DOCK1: variants seen among roughly 807,000 people sequenced by gnomAD.
The protein encoded by DOCK1 is dedicator of cytokinesis protein 1.
A neutral mutation model predicts 262.7 loss-of-function variants in DOCK1; 138 were observed. The observed-to-expected ratio is 0.53, with a 90% CI of 0.46 to 0.61. DOCK1 has a LOEUF of 0.61. Among genes scored for constraint, DOCK1 ranks in the 20% least tolerant of loss-of-function variants. The pLI is 0.00. For synonymous variants in DOCK1, 866 were observed against 867.4 expected (o/e 1.00, Z 0.03); for missense variants, 1,908 against 2,370.7 (o/e 0.80, Z 4.05).
intron 1 of DOCK1, among the ~76,000 whole-genome samples, chr10:126,964,878 C>T (rs1180316327): frequency 1.3e-5 from 2 of 152,218 alleles, no homozygotes; most frequent in Admixed American, 1.3e-4. Context: ...TATCTTTTTG[C>T]AGAGGGCAAG....
At chr10:127,142,941 A>G (rs538857904) in intron 27 of DOCK1, among the ~76,000 whole-genome samples, 4 of 152,292 alleles carry the variant, frequency 2.6e-5, no homozygotes, top group African/African-American at 9.6e-5. Flanking sequence ...AATCTGCCCT[A>G]CATCTCAGGC....
intron 1 of DOCK1, among the ~76,000 whole-genome samples, chr10:126,932,716 C>G (rs1564990400): frequency 6.6e-6 from 1 of 152,252 alleles, no homozygotes; most frequent in East Asian, 1.9e-4. Flanking sequence ...CCACGGCCCT[C>G]ACTGGTAGAG....
intron 27 of DOCK1, among the ~76,000 whole-genome samples, chr10:127,171,590 A>G (rs1254485890): frequency 6.6e-6 from 1 of 152,180 alleles, no homozygotes; most frequent in Non-Finnish European, 1.5e-5. Flanking sequence ...AAGCCCCTGT[A>G]TGCTTTATTG....
chr10:126,946,893 G>A (rs969923686), intron 1 of DOCK1, among the ~76,000 whole-genome samples: 5 of 152,286 alleles, frequency 3.3e-5, no homozygotes, highest in East Asian at 3.9e-4. Flanking sequence ...GAGGAAGTGC[G>A]TTAGTGCCCA....
rs368419940 is a variant in DOCK1, at chr10:127,023,288, G to A, written c.1416G>A (p.Thr472=). The change falls in exon 14 of 52, where the codon ACG becomes ACA. Residue 472 remains threonine (T), a synonymous_variant. Transcript: ENST00000623213. ...SKTTAKNVEV[T]VSVYDEDGKR... is the part of the protein sequence containing the mutation. ...CAACAGCGAAGAACGTGGAGGTCAC[G>A]GTGTCTGTGTACGATGAGGATGGGA... 50 of 1,613,950 alleles carry A rather than the reference G, an allele frequency of 3.1e-5. No homozygotes were observed. The African/African-American group carries it at 3.6e-4, about 12-fold the overall frequency.
chr10:126,956,697 C>T (rs2067697370), intron 1 of DOCK1, among the ~76,000 whole-genome samples: 1 of 152,188 alleles, frequency 6.6e-6, no homozygotes, highest in Non-Finnish European at 1.5e-5. Context: ...CCAGGGACCC[C>T]TTTGCTGTCA....
At chr10:127,229,482 T>G (rs1410340330) in intron 27 of DOCK1, among the ~76,000 whole-genome samples, 2 of 152,138 alleles carry the variant, frequency 1.3e-5, no homozygotes, top group Non-Finnish European at 2.9e-5. Flanking sequence ...GAGATCATGC[T>G]GTGTTTGTCT....
chr10:126,997,203 G>A (rs2040264246), intron 7 of DOCK1, among the ~76,000 whole-genome samples: 1 of 152,302 alleles, frequency 6.6e-6, no homozygotes, highest in East Asian at 1.9e-4. Context: ...GGCAGGTCAT[G>A]TATTCCAAGC....
chr10:127,438,825 A>G (rs1031324789), intron 48 of DOCK1, among the ~76,000 whole-genome samples: 1 of 152,216 alleles, frequency 6.6e-6, no homozygotes, highest in African/African-American at 2.4e-5. Context: ...TAAGTGTTCT[A>G]TCTTTTTCCA....
chr10:127,021,460 C>T (rs999808397), intron 13 of DOCK1, among the ~76,000 whole-genome samples: 4 of 152,314 alleles, frequency 2.6e-5, no homozygotes, highest in East Asian at 1.9e-4. Flanking sequence ...CCACTGCACC[C>T]GGCCTTGAAG....
intron 38 of DOCK1, among the ~76,000 whole-genome samples, chr10:127,396,371 C>T (rs1197490456): frequency 1.3e-5 from 2 of 152,218 alleles, no homozygotes; most frequent in African/African-American, 4.8e-5. Context: ...TTGCAGCACC[C>T]ATGTGTTGTT....
intron 23 of DOCK1, among the ~76,000 whole-genome samples, chr10:127,093,218 CT>C (rs368503274): frequency 0.06 from 2,669 of 44,148 alleles, 63 homozygotes; most frequent in Middle Eastern, 0.12. Context: ...TTCTTTCTTT[CT>C]TTTCTTTCTT....
intron 27 of DOCK1, among the ~76,000 whole-genome samples, chr10:127,152,137 G>A (rs1327315306): frequency 6.6e-6 from 1 of 152,136 alleles, no homozygotes; most frequent in Non-Finnish European, 1.5e-5. Flanking sequence ...AAGACGGTAT[G>A]AGCTTTAGCT....
rs1372501194 is a variant in DOCK1, at chr10:127,100,555, G to A, written c.2446-5676G>A. ...GGGCTCAGGAGGAAGGGGAGCCCTG[G>A]AGATGGATCAGAATTGGGAGTCATT... On this transcript the variant is annotated intron_variant, in intron 23 of 51. Transcript: ENST00000623213. This position sits in a 1 kb window ranked among gnomAD's most constrained non-coding sequence, Gnocchi z 5.5. Among the ~76,000 whole-genome samples, 1 of 152,114 alleles carries A rather than the reference G, an allele frequency of 6.6e-6. No homozygotes were observed. The highest frequency in any genetic ancestry group is 2.4e-5 in the African/African-American group (1 of 41,426).
intron 27 of DOCK1, among the ~76,000 whole-genome samples, chr10:127,210,466 G>A (rs2057927135): frequency 6.6e-6 from 1 of 152,238 alleles, no homozygotes; most frequent in Non-Finnish European, 1.5e-5. Context: ...AGGGCTTCCT[G>A]TGATTACGGT....
rs368874696 is a variant in DOCK1, at chr10:127,053,810, T to C, written c.2336+995T>C. 5.9e-5 allele frequency among the ~76,000 whole-genome samples: 9 copies of C among 152,346 alleles called. No homozygotes were observed. The South Asian group carries it at 1.9e-3, about 32-fold the overall frequency. Reference sequence around the variant, plus strand: ...TCTAAGTTGGCCCACGCCTCTTCACTGTATGATTCAAAAGATGTGAAAAGT... The same window carrying C: ...TCTAAGTTGGCCCACGCCTCTTCACCGTATGATTCAAAAGATGTGAAAAGT... On this transcript the variant is annotated intron_variant, in intron 22 of 51. Coordinates refer to ENST00000623213, the MANE Select transcript of DOCK1 (RefSeq NM_001290223.2).
intron 32 of DOCK1, among the ~76,000 whole-genome samples, chr10:127,359,479 C>A (rs765639193): frequency 2.0e-5 from 3 of 152,212 alleles, no homozygotes; most frequent in Non-Finnish European, 4.4e-5. Flanking sequence ...CTGTCACCAT[C>A]ATCTGTTTTC....
At chr10:127,443,140 C>T (rs1591081888) in intron 49 of DOCK1, among the ~76,000 whole-genome samples, 2 of 152,306 alleles carry the variant, frequency 1.3e-5, no homozygotes, top group Admixed American at 1.3e-4. Context: ...AGAAGCATCA[C>T]CCTGACCTCT....
chr10:127,096,439 T>C (rs551045946), intron 23 of DOCK1, among the ~76,000 whole-genome samples: 18 of 152,294 alleles, frequency 1.2e-4, no homozygotes, highest in African/African-American at 4.1e-4. Context: ...GTGGACCATA[T>C]ATATTTTAGC....
Sources: allele counts gnomAD v4.1 joint callset (sites outside exome capture counted in the v4.1 genomes callset), GRCh38; gene constraint gnomAD v4.1.1; non-coding constraint Gnocchi (gnomAD v3.1); transcripts MANE v1.5; gene names NCBI Gene and HGNC (gene_info 2026-07-23, HGNC 2026-07-21).